NWD2: variants seen among roughly 807,000 people sequenced by gnomAD.
The protein encoded by NWD2 is NACHT and WD repeat domain-containing protein 2.
NWD2 carries 37 observed loss-of-function variants against 132.7 expected under a neutral mutation model. The ratio of observed to expected loss-of-function variants is 0.28; its 90% CI spans 0.21 to 0.37. NWD2 has a LOEUF of 0.37. Among genes scored for constraint, NWD2 ranks in the 10% least tolerant of loss-of-function variants. The pLI, the probability that NWD2 is intolerant of heterozygous loss-of-function variation, is 1.00. For synonymous variants in NWD2, 705 were observed against 803.0 expected, an observed-to-expected ratio of 0.88 and a Z score of 2.06; for missense variants, 1,592 against 2,122.4, an observed-to-expected ratio of 0.75 and a Z score of 4.91.
intron 1 of NWD2, among the ~76,000 whole-genome samples, chr4:37,268,430 T>C (rs1172559714): frequency 6.6e-6 from 1 of 151,984 alleles, no homozygotes; most frequent in Non-Finnish European, 1.5e-5. Flanking sequence ...GTGTCTAATG[T>C]CTTTATGTTG....
intron 2 of NWD2, among the ~76,000 whole-genome samples, chr4:37,329,338 A>G (rs1269434656): frequency 2.6e-5 from 4 of 152,012 alleles, no homozygotes; most frequent in Non-Finnish European, 5.9e-5. Context: ...AGGGATAATA[A>G]ATGCATTTTA....
intron 3 of NWD2, among the ~76,000 whole-genome samples, chr4:37,366,832 A>G (rs1720108584): frequency 6.6e-6 from 1 of 152,192 alleles, no homozygotes; most frequent in Non-Finnish European, 1.5e-5. Context: ...ACATGGCTTC[A>G]AAATATAAAA....
intron 3 of NWD2, among the ~76,000 whole-genome samples, chr4:37,392,520 G>A (rs1367406692): frequency 1.3e-5 from 2 of 152,122 alleles, no homozygotes; most frequent in African/African-American, 4.8e-5. Flanking sequence ...CCCCACCCCA[G>A]ATTGTGACAG....
At chr4:37,259,419 TA>T (rs1717585727) in intron 1 of NWD2, among the ~76,000 whole-genome samples, 1 of 152,180 alleles carries the variant, frequency 6.6e-6, no homozygotes, top group Non-Finnish European at 1.5e-5. Context: ...AGGTGCTCAG[TA>T]AATACTTGCT....
At chr4:37,369,490 C>A (rs1720172478) in intron 3 of NWD2, among the ~76,000 whole-genome samples, 1 of 152,000 alleles carries the variant, frequency 6.6e-6, no homozygotes, top group Non-Finnish European at 1.5e-5. Context: ...TGGTATTTGG[C>A]TTACATGAGG....
At chr4:37,370,173 T>G (rs572305442) in intron 3 of NWD2, among the ~76,000 whole-genome samples, 1 of 152,236 alleles carries the variant, frequency 6.6e-6, no homozygotes. Context: ...ACGCATGATA[T>G]CTCTGATTAT....
chr4:37,265,109 G>C (rs1717722151), intron 1 of NWD2, among the ~76,000 whole-genome samples: 1 of 151,996 alleles, frequency 6.6e-6, no homozygotes, highest in Non-Finnish European at 1.5e-5. Flanking sequence ...TCCCCAAAAA[G>C]CGCGGGAGGT....
chr4:37,414,513 A>C lies in NWD2; in HGVS notation c.358-16059A>C, dbSNP rs76121059. Among the ~76,000 whole-genome samples, 669 of 152,064 alleles carry C rather than the reference A, an allele frequency of 4.4e-3. 4 individuals carry two copies. The highest frequency in any genetic ancestry group is 0.015 in the African/African-American group (631 of 41,512). On this transcript the variant is annotated intron_variant, in intron 3 of 6. Transcript: ENST00000309447. ...AAATAAACAAAGATAAATTACCTTTATGCTCCAGAAGTCGCTGTAACAAGA... is the reference window on the plus strand; with the variant it reads ...AAATAAACAAAGATAAATTACCTTTCTGCTCCAGAAGTCGCTGTAACAAGA...
chr4:37,380,979 A>T (rs1257985231), intron 3 of NWD2, among the ~76,000 whole-genome samples: 1 of 152,236 alleles, frequency 6.6e-6, no homozygotes, highest in African/African-American at 2.4e-5. Flanking sequence ...AATCAGGTAG[A>T]TGGAGATTAA....
rs568645475 is a variant in NWD2 at position 37,252,089 on chromosome 4, C to T, written c.151+6871C>T. ...GAATGAGGGGTTAGTTTGGCTTTCCCGATAATGAATAGAGCCAGGGTATGG... is the reference window on the plus strand; with the variant it reads ...GAATGAGGGGTTAGTTTGGCTTTCCTGATAATGAATAGAGCCAGGGTATGG... On this transcript the variant is annotated intron_variant, in intron 1 of 6. Coordinates refer to ENST00000309447, the MANE Select transcript of NWD2 (RefSeq NM_001144990.2). 6.0e-4 allele frequency among the ~76,000 whole-genome samples: 92 copies of T among 152,090 alleles called. 1 individual carries two copies. Among genetic ancestry groups the T allele is most frequent in the Middle Eastern group, 6.8e-3 (2 of 294 alleles).
intron 1 of NWD2, among the ~76,000 whole-genome samples, chr4:37,313,917 C>T (rs1560392370): frequency 1.3e-5 from 2 of 151,000 alleles, no homozygotes; most frequent in South Asian, 2.1e-4. Flanking sequence ...AGGCTGGTCT[C>T]GATCTCCTGA....
chr4:37,280,939 G>A (rs1718114549), intron 1 of NWD2, among the ~76,000 whole-genome samples: 1 of 152,086 alleles, frequency 6.6e-6, no homozygotes, highest in Admixed American at 6.6e-5. Flanking sequence ...TGGCTCACAG[G>A]GTGCATACAT....
intron 3 of NWD2, among the ~76,000 whole-genome samples, chr4:37,400,244 G>A (rs1161092473): frequency 1.1e-4 from 16 of 152,202 alleles, no homozygotes; most frequent in Non-Finnish European, 2.4e-4. Context: ...TAATGAAGAA[G>A]CTCAGAGCTA....
chr4:37,333,876 T>C (rs949391888), intron 2 of NWD2, among the ~76,000 whole-genome samples: 6 of 151,982 alleles, frequency 3.9e-5, no homozygotes, highest in African/African-American at 1.5e-4. Flanking sequence ...AATAAATTGG[T>C]ATAATTTGAA....
chr4:37,428,126 C>T (rs1245732707), intron 3 of NWD2, among the ~76,000 whole-genome samples: 1 of 152,158 alleles, frequency 6.6e-6, no homozygotes, highest in Non-Finnish European at 1.5e-5. Flanking sequence ...GAATTTAGGT[C>T]ATGAATTTAC....
chr4:37,394,799 G>GTTTTGTT (rs1720747038), intron 3 of NWD2, among the ~76,000 whole-genome samples: 1 of 52,596 alleles, frequency 1.9e-5, no homozygotes, highest in African/African-American at 7.7e-5. Context: ...AACCTTTATG[G>GTTTTGTT]TTTTTTTTTT....
Position 37,443,668 on chromosome 4 carries a change from C to G in NWD2, c.1680C>G (p.Ile560Met). The change falls in exon 7 of 7, where the codon ATC (isoleucine) becomes ATG (methionine). Residue 560 changes from isoleucine (I) to methionine (M), a missense_variant. Coordinates refer to ENST00000309447, the MANE Select transcript of NWD2 (RefSeq NM_001144990.2). This position sits in a 1 kb window ranked among gnomAD's most constrained non-coding sequence, Gnocchi z 4.1. ...HGILQKLRCL[I>M]HEEDNYIELI... is the part of the protein sequence containing the mutation. ...TCTTGCAGAAACTAAGGTGCCTTAT[C>G]CATGAAGAAGACAACTACATCGAGC... 1 of 1,552,132 alleles carries G rather than the reference C, an allele frequency of 6.4e-7. No individual in the cohort carries two copies. The highest frequency in any genetic ancestry group is 8.7e-7 in the Non-Finnish European group (1 of 1,147,116).
At chr4:37,304,466 T>C (rs1320931163) in intron 1 of NWD2, among the ~76,000 whole-genome samples, 1 of 152,236 alleles carries the variant, frequency 6.6e-6, no homozygotes, top group African/African-American at 2.4e-5. Context: ...TTAATTCAAA[T>C]GTCTGAGTAC....
rs375249462 is a variant in NWD2 at position 37,436,671 on chromosome 4, C to T, written c.707-2130C>T. On this transcript the variant is annotated intron_variant, in intron 5 of 6. Coordinates refer to ENST00000309447, the MANE Select transcript of NWD2 (RefSeq NM_001144990.2). ...TTATATATAGATACTACAGTTTGACCGCTTCCTTTCTCTTCATGATGCTCT... is the reference window on the plus strand; with the variant it reads ...TTATATATAGATACTACAGTTTGACTGCTTCCTTTCTCTTCATGATGCTCT... Among the ~76,000 whole-genome samples the T allele has an allele frequency of 1.8e-4, 27 of 152,116 alleles. 1 individual carries two copies. The highest frequency in any genetic ancestry group is 1.0e-3 in the South Asian group (5 of 4,800).
Sources: gnomAD v4.1 joint callset for allele counts (sites outside exome capture counted in the v4.1 genomes callset) on GRCh38, gnomAD v4.1.1 for gene constraint, Gnocchi (gnomAD v3.1) non-coding constraint, MANE v1.5 for transcripts, NCBI Gene and HGNC (gene_info 2026-07-23, HGNC 2026-07-21) for gene names.